Variants in ADAMTS9 observed in about 807,000 individuals in gnomAD.
The protein encoded by ADAMTS9 is ADAM metallopeptidase with thrombospondin type 1 motif 9.
In ADAMTS9, 107 loss-of-function variants were observed where a neutral mutation model predicts 257.1. The observed-to-expected ratio is 0.42, with a 90% confidence interval of 0.36 to 0.49. The LOEUF is 0.49. Among genes scored for constraint, ADAMTS9 ranks in the 20% least tolerant of loss-of-function variants. ADAMTS9 has a pLI of 0.03. For synonymous variants in ADAMTS9, 982 were observed against 880.9 expected (o/e 1.11, Z -2.03); for missense variants, 2,353 against 2,469.1 (o/e 0.95, Z 1.00).
At chr3:64,624,525 G>A (rs557680092) in intron 16 of ADAMTS9, among the ~76,000 whole-genome samples, 1 of 152,228 alleles carries the variant, frequency 6.6e-6, no homozygotes, top group East Asian at 1.9e-4. Context: ...GACAACAGCT[G>A]CTTCAGAAGA....
chr3:64,537,966 A>G (rs2083070992), intron 37 of ADAMTS9, among the ~76,000 whole-genome samples: 1 of 152,224 alleles, frequency 6.6e-6, no homozygotes, highest in Non-Finnish European at 1.5e-5. Flanking sequence ...CTCTCAGGCA[A>G]GAAAGTGTAG....
intron 6 of ADAMTS9, among the ~76,000 whole-genome samples, chr3:64,655,318 C>A (rs553707427): frequency 6.6e-6 from 1 of 152,160 alleles, no homozygotes; most frequent in East Asian, 1.9e-4. Flanking sequence ...GCCCTCCCCA[C>A]GGGGGGCAGT....
chr3:64,594,576 C>G lies in ADAMTS9; in HGVS notation c.4180-142G>C, dbSNP rs1458827639. On this transcript the variant is annotated intron_variant, in intron 27 of 39. Coordinates refer to ENST00000498707, the MANE Select transcript of ADAMTS9 (RefSeq NM_182920.2). ...GACAGATGGAACCAAGGTGAATTAC[C>G]AATAGTGATACGTAAAACAGACCAA... is the stretch of plus-strand genomic sequence containing the variant. 5 of 949,592 alleles carry G rather than the reference C, an allele frequency of 5.3e-6. No individual in the cohort carries two copies. The Admixed American group carries it at 1.2e-4, about 24-fold the overall frequency. The allele number at this position is 949,592 out of a possible 1,614,324, so 58.8% of individuals were successfully genotyped here. A position where few individuals can be genotyped will look rare whatever the true frequency, so the allele number is the denominator to read the frequency against.
At chr3:64,582,423 T>C (rs1026197014) in intron 28 of ADAMTS9, 4 of 152,198 alleles carry the variant, frequency 2.6e-5, no homozygotes, top group African/African-American at 9.7e-5. Context: ...AAGGGAATGA[T>C]TTTATAACCT....
intron 28 of ADAMTS9, among the ~76,000 whole-genome samples, chr3:64,572,085 CT>C (rs1236761390): frequency 1.3e-5 from 2 of 151,900 alleles, no homozygotes; most frequent in Admixed American, 6.6e-5. Flanking sequence ...AGGACTCTGA[CT>C]TTTTTTTCTT....
intron 38 of ADAMTS9, among the ~76,000 whole-genome samples, chr3:64,523,042 A>C (rs560830633): frequency 1.8e-4 from 27 of 152,234 alleles, no homozygotes; most frequent in Non-Finnish European, 1.6e-4. Flanking sequence ...ATTAAAAAAC[A>C]TGAAAATGAG....
Position 64,535,414 on chromosome 3 carries a change from G to A in ADAMTS9, c.5614-2144C>T, listed in dbSNP as rs78246822. ...ACATATGACATTTTTATGACAATAT[G>A]CTACAGAGGTTCATGGTTCTTATGT... On this transcript the variant is annotated intron_variant, in intron 37 of 39. Transcript: ENST00000498707. Among the ~76,000 whole-genome samples, 302 of 152,142 alleles carry A rather than the reference G, an allele frequency of 2.0e-3. 6 individuals are homozygous for A. In the East Asian group the frequency reaches 0.043, roughly 22 times the overall value.
chr3:64,565,884 C>T (rs2083533086), intron 29 of ADAMTS9: 1 of 152,134 alleles, frequency 6.6e-6, no homozygotes, highest in Non-Finnish European at 1.5e-5. Context: ...ATTTTCTTTA[C>T]AAATTCAAGA....
At chr3:64,584,588 G>A (rs548921817) in intron 28 of ADAMTS9, among the ~76,000 whole-genome samples, 67 of 152,080 alleles carry the variant, frequency 4.4e-4, no homozygotes, top group African/African-American at 1.5e-3. Flanking sequence ...CCTTGTGAAG[G>A]AAAAAACACA....
At chr3:64,683,082 G>T (rs1701799421) in intron 2 of ADAMTS9, among the ~76,000 whole-genome samples, 1 of 152,192 alleles carries the variant, frequency 6.6e-6, no homozygotes, top group Admixed American at 6.5e-5. Context: ...AGTTGCCAGA[G>T]AAGCAGTGAT....
At position 64,649,913 on chromosome 3, in the gene ADAMTS9, A is replaced by G. The variant is rs568822945; in HGVS notation, c.1464-135T>C. ...CTTTTTAACATGTGCTTTATTCTTT[A>G]CATCCAAGATTAAATCCAGATGCTG... On this transcript the variant is annotated intron_variant, in intron 9 of 39. Transcript: ENST00000498707. 4 of 1,112,086 alleles carry G rather than the reference A, an allele frequency of 3.6e-6. 1 individual carries two copies. Among genetic ancestry groups the G allele is most frequent in the Non-Finnish European group, 2.5e-6 (2 of 800,834 alleles). 68.9% of individuals were successfully genotyped at this position (1,112,086 alleles called of 1,614,324 possible). A position where few individuals can be genotyped will look rare whatever the true frequency, so the allele number is the denominator to read the frequency against.
chr3:64,615,430 G>T lies in ADAMTS9; in HGVS notation c.3080C>A (p.Thr1027Asn). 1 of 1,613,916 alleles carries T rather than the reference G, an allele frequency of 6.2e-7. No individual in the cohort carries two copies. Among genetic ancestry groups the T allele is most frequent in the Non-Finnish European group, 8.5e-7 (1 of 1,179,888 alleles). ...GCTGTCATCCAGTACATCATTTCGGGTATTGACACAAATAGCCCTTCTCCT... is the reference window on the plus strand; with the variant it reads ...GCTGTCATCCAGTACATCATTTCGGTTATTGACACAAATAGCCCTTCTCCT... ...TQRRRAICVN[T>N]RNDVLDDSKC... The change falls in exon 21 of 40, where the codon ACC becomes AAC. Residue 1027 changes from threonine to asparagine, a missense_variant. By Grantham distance (65) the Thr-to-Asn change is moderately conservative (BLOSUM62 0). This residue lies in a region of ADAMTS9 where 1,402 missense variants were observed against 1,441.4 expected (regional missense o/e 0.97). Transcript: ENST00000498707.
At chr3:64,556,448 G>A (rs1468191262) in intron 30 of ADAMTS9, among the ~76,000 whole-genome samples, 1 of 152,130 alleles carries the variant, frequency 6.6e-6, no homozygotes, top group African/African-American at 2.4e-5. Flanking sequence ...AGCCTCCCAG[G>A]TAGCTGGAAC....
intron 39 of ADAMTS9, among the ~76,000 whole-genome samples, chr3:64,518,181 AAG>A (rs2082804336): frequency 6.6e-6 from 1 of 152,204 alleles, no homozygotes; most frequent in Non-Finnish European, 1.5e-5. Context: ...TTGATGAAGA[AAG>A]AGAGTACTGA....
intron 38 of ADAMTS9, among the ~76,000 whole-genome samples, chr3:64,525,373 C>A (rs1331777015): frequency 1.3e-5 from 2 of 152,122 alleles, no homozygotes; most frequent in African/African-American, 2.4e-5. Flanking sequence ...CCTCCACCCT[C>A]TGCGCCTGCA....
At chr3:64,549,749 G>A (rs2083246377) in intron 31 of ADAMTS9, among the ~76,000 whole-genome samples, 2 of 152,094 alleles carry the variant, frequency 1.3e-5, no homozygotes, top group South Asian at 4.1e-4. Flanking sequence ...TGGCCAGTAG[G>A]GTCCCCTTTC....
chr3:64,654,400 A>G lies in ADAMTS9; in HGVS notation c.1269T>C (p.Asp423=), dbSNP rs780110224. 22 of 1,614,026 alleles carry G rather than the reference A, an allele frequency of 1.4e-5. No individual in the cohort carries two copies. Among genetic ancestry groups the G allele is most frequent in the Non-Finnish European group, 1.8e-5 (21 of 1,180,022 alleles). ...TCGTAAAAGCTGTACTCAATCCACTATCTTCACTAATAGAACAGCTTCTAT... is the reference window on the plus strand; with the variant it reads ...TCGTAAAAGCTGTACTCAATCCACTGTCTTCACTAATAGAACAGCTTCTAT... ...DPYRSCSISE[D]SGLSTAFTIA... The change falls in exon 8 of 40, where the codon GAT becomes GAC. Residue 423 remains aspartate (D), a synonymous_variant. Coordinates refer to ENST00000498707, the MANE Select transcript of ADAMTS9 (RefSeq NM_182920.2).
Position 64,571,628 on chromosome 3 carries a change from G to A in ADAMTS9, c.4357-3093C>T, listed in dbSNP as rs535655397. Among the ~76,000 whole-genome samples, 11 of 152,254 alleles carry A rather than the reference G, an allele frequency of 7.2e-5. No individual in the cohort carries two copies. In the East Asian group the frequency reaches 1.7e-3, roughly 24 times the overall value. ...CTGGAATTGACTTGGAAAAAACAAT[G>A]CAGCACTTGCCATACTTATTATCTG... On this transcript the variant is annotated intron_variant, in intron 28 of 39. Coordinates refer to ENST00000498707, the MANE Select transcript of ADAMTS9 (RefSeq NM_182920.2).
chr3:64,653,847 C>G (rs1177611516), intron 8 of ADAMTS9, among the ~76,000 whole-genome samples: 1 of 152,164 alleles, frequency 6.6e-6, no homozygotes, highest in Non-Finnish European at 1.5e-5. Context: ...TATCTTTGTT[C>G]ATTCTCTTTC....
Sources: allele counts gnomAD v4.1 joint callset (sites outside exome capture counted in the v4.1 genomes callset), GRCh38; gene constraint gnomAD v4.1.1; regional missense constraint gnomAD v4.1.1; transcripts MANE v1.5; gene names NCBI Gene and HGNC (gene_info 2026-07-23, HGNC 2026-07-21).